R3HDM1: variants seen among roughly 807,000 people sequenced by gnomAD.
R3HDM1 encodes R3H domain containing 1, also known as R3H domain-containing protein 1.
A neutral mutation model predicts 141.1 loss-of-function variants in R3HDM1; 46 were observed. The observed-to-expected ratio is 0.33, with a 90% CI of 0.26 to 0.42. R3HDM1 has a LOEUF of 0.42. Among genes scored for constraint, R3HDM1 ranks in the 10% least tolerant of loss-of-function variants. The pLI is 1.00. For synonymous variants in R3HDM1, 435 were observed against 472.9 expected, an observed-to-expected ratio of 0.92 and a Z score of 1.04; for missense variants, 1,184 against 1,368.3, an observed-to-expected ratio of 0.87 and a Z score of 2.12.
At chr2:135,631,039 A>G (rs1386506809) in intron 7 of R3HDM1, among the ~76,000 whole-genome samples, 1 of 152,172 alleles carries the variant, frequency 6.6e-6, no homozygotes, top group Non-Finnish European at 1.5e-5. Flanking sequence ...TTTTATGGGA[A>G]AATTTAAAAA....
chr2:135,702,486 C>G (rs949147559), intron 21 of R3HDM1, among the ~76,000 whole-genome samples: 3 of 151,900 alleles, frequency 2.0e-5, no homozygotes. Context: ...CGATGAAACC[C>G]CATCTCTACT....
chr2:135,549,365 G>T (rs755303839), intron 1 of R3HDM1, among the ~76,000 whole-genome samples: 1 of 151,894 alleles, frequency 6.6e-6, no homozygotes, highest in African/African-American at 2.4e-5. Context: ...GACCAGCCTG[G>T]TCAACATGAT....
At chr2:135,534,846 G>C (rs1460064238) in intron 1 of R3HDM1, among the ~76,000 whole-genome samples, 1 of 151,870 alleles carries the variant, frequency 6.6e-6, no homozygotes, top group East Asian at 1.9e-4. Flanking sequence ...TTTTTGAACT[G>C]GTACTTTAAT....
chr2:135,536,579 A>T (rs1054131241), intron 1 of R3HDM1: 1 of 906,216 alleles, frequency 1.1e-6, no homozygotes, highest in African/African-American at 1.8e-5. Context: ...ATTTGTTTTT[A>T]TTCTTGACCA....
chr2:135,593,287 A>T (rs1709774267), intron 1 of R3HDM1, among the ~76,000 whole-genome samples: 1 of 152,112 alleles, frequency 6.6e-6, no homozygotes, highest in African/African-American at 2.4e-5. Context: ...TGAGTTATTT[A>T]TTTCAGTCCT....
chr2:135,540,340 G>C (rs866045895), intron 1 of R3HDM1, among the ~76,000 whole-genome samples: 1 of 152,124 alleles, frequency 6.6e-6, no homozygotes, highest in Non-Finnish European at 1.5e-5. Context: ...CCACACTCTT[G>C]TTGATATTTT....
rs75981158 is a variant in R3HDM1, at chr2:135,681,357, C to T, written c.2459+1033C>T. On this transcript the variant is annotated intron_variant, in intron 21 of 26. Coordinates refer to ENST00000683871, the MANE Select transcript of R3HDM1 (RefSeq NM_001378107.1). ...GAGATGGGAAAACAAATCTCAAATCCGCCTCTGAAAATAGGGCTTGTGGGT... is the reference window on the plus strand; with the variant it reads ...GAGATGGGAAAACAAATCTCAAATCTGCCTCTGAAAATAGGGCTTGTGGGT... 3.0e-3 allele frequency among the ~76,000 whole-genome samples: 456 copies of T among 152,224 alleles called. 3 individuals carry two copies. The highest frequency in any genetic ancestry group is 0.01 in the African/African-American group (426 of 41,552).
At chr2:135,557,246 T>C (rs965760684) in intron 1 of R3HDM1, among the ~76,000 whole-genome samples, 7 of 152,222 alleles carry the variant, frequency 4.6e-5, no homozygotes, top group Admixed American at 1.3e-4. Flanking sequence ...TATTGCTCTT[T>C]TTTTCCTCTA....
At chr2:135,669,499 A>G (rs1453537406) in intron 19 of R3HDM1, 2 of 984,288 alleles carry the variant, frequency 2.0e-6, no homozygotes, top group African/African-American at 3.5e-5. Flanking sequence ...ATGTTAAGCT[A>G]CAGTAAAGTC....
chr2:135,676,096 C>A (rs1157771898), intron 20 of R3HDM1, among the ~76,000 whole-genome samples: 1 of 152,164 alleles, frequency 6.6e-6, no homozygotes, highest in South Asian at 2.1e-4. Context: ...GAGGCCTAGG[C>A]AGGCAGATTA....
Position 135,724,503 on chromosome 2 carries a change from A to C in R3HDM1, c.*211A>C, listed in dbSNP as rs2077002591. The C allele has an allele frequency of 6.6e-6, 3 of 454,420 alleles. No homozygotes were observed. The South Asian group carries it at 1.7e-4, about 26-fold the overall frequency. 28.1% of individuals were successfully genotyped at this position (454,420 alleles called of 1,614,324 possible). A position where few individuals can be genotyped will look rare whatever the true frequency, so the allele number is the denominator to read the frequency against. ...CTAGGAATCCACATCAGAATGATAC[A>C]GAGTTAGCAGGTTTTTCTAAGGAAA... On this transcript the variant is annotated 3_prime_UTR_variant, in exon 27 of 27. Transcript: ENST00000683871.
chr2:135,677,783 G>T (rs2069457817), intron 20 of R3HDM1, among the ~76,000 whole-genome samples: 1 of 152,052 alleles, frequency 6.6e-6, no homozygotes, highest in East Asian at 1.9e-4. Flanking sequence ...AACAAGCTAG[G>T]TAGTGATAAA....
At position 135,644,615 on chromosome 2, in the gene R3HDM1, G is replaced by A. The variant is rs564678296; in HGVS notation, c.1475-764G>A. On this transcript the variant is annotated intron_variant, in intron 15 of 26. Transcript: ENST00000683871. Reference sequence around the variant, plus strand: ...TTTTCATCCAGTTCTAATTTTATTAGTGAAATATATGTAATGTGGCCTAAA... The same window carrying A: ...TTTTCATCCAGTTCTAATTTTATTAATGAAATATATGTAATGTGGCCTAAA... Among the ~76,000 whole-genome samples the A allele has an allele frequency of 2.6e-5, 4 of 152,282 alleles. No homozygotes were observed. The East Asian group carries it at 7.7e-4, about 29-fold the overall frequency.
At chr2:135,595,456 T>C (rs1228985340) in intron 1 of R3HDM1, among the ~76,000 whole-genome samples, 1 of 152,230 alleles carries the variant, frequency 6.6e-6, no homozygotes, top group African/African-American at 2.4e-5. Flanking sequence ...ATCTTAACTC[T>C]ACCCCTTACT....
At chr2:135,650,108 G>A (rs2064989427) in intron 17 of R3HDM1, 105 bp downstream of exon 17, 1 of 1,015,698 alleles carries the variant, frequency 9.8e-7, no homozygotes, top group Non-Finnish European at 1.2e-6. Context: ...TTTTTTTTGG[G>A]TCAGGTTTAC....
At chr2:135,558,577 T>G (rs1207759583) in intron 1 of R3HDM1, among the ~76,000 whole-genome samples, 4 of 152,224 alleles carry the variant, frequency 2.6e-5, no homozygotes. Context: ...AGTGTTAGTC[T>G]TTATTGTCAT....
intron 1 of R3HDM1, among the ~76,000 whole-genome samples, chr2:135,554,443 G>A (rs963847370): frequency 6.6e-6 from 1 of 152,094 alleles, no homozygotes; most frequent in South Asian, 2.1e-4. Flanking sequence ...CTGTTTTTTG[G>A]TTATTGTGAG....
At chr2:135,562,887 GGACCATT>G in intron 1 of R3HDM1, among the ~76,000 whole-genome samples, 1 of 152,154 alleles carries the variant, frequency 6.6e-6, no homozygotes, top group South Asian at 2.1e-4. Flanking sequence ...GAAAATAAAT[GGACCATT>G]TTATCCTTTT....
Position 135,705,915 on chromosome 2 carries a change from G to A in R3HDM1, c.2460-3518G>A, listed in dbSNP as rs549773440. Among the ~76,000 whole-genome samples the A allele has an allele frequency of 2.0e-5, 3 of 152,242 alleles. No homozygotes were observed. The South Asian group carries it at 6.2e-4, about 32-fold the overall frequency. ...GAGGCCAAGGCTGGCGGATCACGAG[G>A]TCAGGAGATCGAGACCATCCTGGCT... On this transcript the variant is annotated intron_variant, in intron 21 of 26. Transcript: ENST00000683871.
Sources: gnomAD v4.1 joint callset for allele counts (sites outside exome capture counted in the v4.1 genomes callset) on GRCh38, gnomAD v4.1.1 for gene constraint, MANE v1.5 for transcripts, NCBI Gene and HGNC (gene_info 2026-07-23, HGNC 2026-07-21) for gene names.